Variants in DLG2 observed in about 807,000 individuals in gnomAD.
The protein encoded by DLG2 is disks large homolog 2.
DLG2 carries 45 observed loss-of-function variants against 132.5 expected under a neutral mutation model. The ratio of observed to expected loss-of-function variants is 0.34; its 90% CI spans 0.27 to 0.44. The LOEUF (loss-of-function observed/expected upper bound fraction) is 0.44, where lower values mean the gene tolerates loss of function less well. DLG2 is among the 20% of genes least tolerant of loss of function. DLG2 has a pLI of 1.00. For missense variants in DLG2, 1,045 were observed against 1,196.9 expected, an observed-to-expected ratio of 0.87 and a Z score of 1.87; for synonymous variants, 424 against 419.6, an observed-to-expected ratio of 1.01 and a Z score of -0.13.
chr11:83,949,666 A>G (rs1465174024), intron 14 of DLG2, among the ~76,000 whole-genome samples: 2 of 152,138 alleles, frequency 1.3e-5, no homozygotes, highest in Admixed American at 6.6e-5. Context: ...TATAGTCACC[A>G]TGCTGTATAT....
intron 7 of DLG2, among the ~76,000 whole-genome samples, chr11:84,352,269 TCATGAA>T (rs1253117471): frequency 6.6e-6 from 1 of 152,148 alleles, no homozygotes; most frequent in African/African-American, 2.4e-5. Flanking sequence ...ACATTCTGGC[TCATGAA>T]CCTTGGGAAA....
intron 21 of DLG2, among the ~76,000 whole-genome samples, chr11:83,499,730 T>C (rs1413711435): frequency 2.0e-5 from 3 of 149,076 alleles, no homozygotes; most frequent in Non-Finnish European, 3.0e-5. Context: ...AGACTGCCTA[T>C]TGGGGTATCT....
intron 18 of DLG2, among the ~76,000 whole-genome samples, chr11:83,733,287 A>G (rs989598990): frequency 6.6e-6 from 1 of 151,614 alleles, no homozygotes; most frequent in Non-Finnish European, 1.5e-5. Flanking sequence ...GGAAAAAGAA[A>G]TTGAGTCAAA....
chr11:85,461,892 C>T (rs1472396696), intron 3 of DLG2, among the ~76,000 whole-genome samples: 1 of 152,132 alleles, frequency 6.6e-6, no homozygotes, highest in African/African-American at 2.4e-5. Flanking sequence ...AAAAATTTTG[C>T]AACCTGCTCA....
intron 18 of DLG2, among the ~76,000 whole-genome samples, chr11:83,774,842 AC>A (rs2153798355): frequency 6.6e-6 from 1 of 152,120 alleles, no homozygotes; most frequent in African/African-American, 2.4e-5. Flanking sequence ...AAATATGATT[AC>A]CCCTACATTC....
chr11:83,801,921 A>C (rs2044501749), intron 17 of DLG2, among the ~76,000 whole-genome samples: 1 of 152,206 alleles, frequency 6.6e-6, no homozygotes, highest in Non-Finnish European at 1.5e-5. Context: ...AAATCATTAA[A>C]ATTTATTTGA....
intron 3 of DLG2, among the ~76,000 whole-genome samples, chr11:85,485,507 A>T (rs2093410080): frequency 1.3e-5 from 2 of 152,212 alleles, no homozygotes; most frequent in South Asian, 4.1e-4. Context: ...AAACACTTTG[A>T]ATAGATCATC....
At position 83,852,846 on chromosome 11, in the gene DLG2, A is replaced by C. The variant is rs1185337733; in HGVS notation, c.1566-19076T>G. On this transcript the variant is annotated intron_variant, in intron 16 of 27. Coordinates refer to ENST00000376104, the MANE Select transcript of DLG2 (RefSeq NM_001142699.3). ...AAAAAGAGGAAGAGCATTGCTTCCC[A>C]TCCTTGCTTTCTCAATTGAGAAATT... Among the ~76,000 whole-genome samples the C allele has an allele frequency of 5.3e-5, 8 of 152,152 alleles. No homozygotes were observed. In the East Asian group the frequency reaches 1.5e-3, roughly 29 times the overall value.
intron 7 of DLG2, among the ~76,000 whole-genome samples, chr11:84,362,128 G>T (rs1211302707): frequency 6.6e-6 from 1 of 151,814 alleles, no homozygotes; most frequent in Non-Finnish European, 1.5e-5. Flanking sequence ...AAGCAAACTA[G>T]AAACCAAACT....
chr11:84,023,786 T>A (rs1215131840), intron 11 of DLG2, among the ~76,000 whole-genome samples: 1 of 152,102 alleles, frequency 6.6e-6, no homozygotes, highest in Non-Finnish European at 1.5e-5. Context: ...CCAGAAAATA[T>A]CTCAGACAGC....
At chr11:84,645,737 G>A (rs1257716111) in intron 6 of DLG2, among the ~76,000 whole-genome samples, 1 of 152,194 alleles carries the variant, frequency 6.6e-6, no homozygotes, top group African/African-American at 2.4e-5. Flanking sequence ...AAAGTGCTGG[G>A]ATTACAGGCG....
intron 7 of DLG2, among the ~76,000 whole-genome samples, chr11:84,354,509 A>T (rs2098599475): frequency 6.6e-6 from 1 of 152,138 alleles, no homozygotes; most frequent in African/African-American, 2.4e-5. Context: ...CTTTGTTGTC[A>T]GGGATGAGAA....
At chr11:84,480,895 T>C (rs2099135517) in intron 7 of DLG2, among the ~76,000 whole-genome samples, 1 of 151,874 alleles carries the variant, frequency 6.6e-6, no homozygotes, top group Non-Finnish European at 1.5e-5. Flanking sequence ...TACGCCACTA[T>C]GCCTGGTTGA....
rs117751246 is a variant in DLG2 at position 84,603,941 on chromosome 11, T to C, written c.358-69210A>G. On this transcript the variant is annotated intron_variant, in intron 6 of 27. Coordinates refer to ENST00000376104, the MANE Select transcript of DLG2 (RefSeq NM_001142699.3). ...GTTTTTGACATGGAAAAATGGCACC[T>C]ATCACATGCTGGAATAAGGAAATTT... is the stretch of plus-strand genomic sequence containing the variant. Among the ~76,000 whole-genome samples the C allele has an allele frequency of 5.8e-3, 884 of 151,986 alleles. 6 individuals are homozygous for C. Among genetic ancestry groups the C allele is most frequent in the Admixed American group, 0.012 (177 of 15,234 alleles).
chr11:83,520,702 GA>G (rs1565617251), intron 21 of DLG2, among the ~76,000 whole-genome samples: 1,602 of 82,610 alleles, frequency 0.019, 32 homozygotes, highest in African/African-American at 0.076. Flanking sequence ...TAGGTAGATA[GA>G]TAGATAGATA....
intron 3 of DLG2, among the ~76,000 whole-genome samples, chr11:85,358,214 T>G (rs528564540): frequency 1.3e-5 from 2 of 152,272 alleles, no homozygotes; most frequent in East Asian, 3.9e-4. Context: ...ACAAGACATT[T>G]AAAAAGAAAT....
At chr11:84,959,706 A>G (rs987284795) in intron 6 of DLG2, among the ~76,000 whole-genome samples, 1 of 152,242 alleles carries the variant, frequency 6.6e-6, no homozygotes, top group Non-Finnish European at 1.5e-5. Flanking sequence ...TATAATATTA[A>G]TCACTTATTT....
chr11:83,588,588 C>G (rs1392101982), intron 19 of DLG2, among the ~76,000 whole-genome samples: 1 of 151,800 alleles, frequency 6.6e-6, no homozygotes, highest in African/African-American at 2.4e-5. Flanking sequence ...AGCGCCTCTC[C>G]TCCTCCAAAG....
At chr11:85,610,119 C>A (rs1010862235) in intron 2 of DLG2, among the ~76,000 whole-genome samples, 1 of 152,156 alleles carries the variant, frequency 6.6e-6, no homozygotes, top group Admixed American at 6.5e-5. Flanking sequence ...CCGCCCAGTC[C>A]AAATCAGGCT....
Sources: gnomAD v4.1 joint callset for allele counts (sites outside exome capture counted in the v4.1 genomes callset) on GRCh38, gnomAD v4.1.1 for gene constraint, MANE v1.5 for transcripts, NCBI Gene and HGNC (gene_info 2026-07-23, HGNC 2026-07-21) for gene names.